Variants in LRRN1 observed in about 807,000 individuals in gnomAD.
LRRN1 encodes the protein leucine-rich repeat neuronal protein 1.
Under a neutral mutation model 45.8 loss-of-function variants are expected in LRRN1, and 14 were observed. The observed-to-expected ratio is 0.31, with a 90% CI of 0.20 to 0.48. The LOEUF (loss-of-function observed/expected upper bound fraction) is 0.48. LRRN1 is among the 20% of genes least tolerant of loss of function. The pLI is 0.99. For synonymous variants in LRRN1, 359 were observed against 330.1 expected (o/e 1.09, Z -0.95); for missense variants, 789 against 874.2 (o/e 0.90, Z 1.23).
chr3:3,832,281 C>G (rs1239640050), intron 1 of LRRN1, among the ~76,000 whole-genome samples: 3 of 152,166 alleles, frequency 2.0e-5, no homozygotes, highest in Non-Finnish European at 4.4e-5. Context: ...GCTCTAATGC[C>G]TTCCATTTGG....
intron 1 of LRRN1, among the ~76,000 whole-genome samples, chr3:3,837,341 C>G (rs1487375268): frequency 1.4e-5 from 2 of 147,554 alleles, no homozygotes; most frequent in Non-Finnish European, 3.0e-5. Context: ...TTCCCCCCCC[C>G]ATTTTATAAC....
chr3:3,848,229 G>A lies in LRRN1; in HGVS notation c.*1437G>A, dbSNP rs953747674. Among the ~76,000 whole-genome samples the A allele has an allele frequency of 2.6e-5, 4 of 152,130 alleles. No homozygotes were observed. The highest frequency in any genetic ancestry group is 7.2e-5 in the African/African-American group (3 of 41,430). On this transcript the variant is annotated 3_prime_UTR_variant, in exon 2 of 2. Coordinates refer to ENST00000319331, the MANE Select transcript of LRRN1 (RefSeq NM_020873.7). ...ATTAATAGAAAACAAAACAACTTCC[G>A]TACAGTTCAAACTTTTCATCCAAAT...
At chr3:3,833,308 T>G (rs1265635205) in intron 1 of LRRN1, among the ~76,000 whole-genome samples, 2 of 152,174 alleles carry the variant, frequency 1.3e-5, no homozygotes, top group Non-Finnish European at 2.9e-5. Context: ...TTGCTCACTG[T>G]GGGCCATCTT....
At chr3:3,818,265 A>G (rs1693026507) in intron 1 of LRRN1, among the ~76,000 whole-genome samples, 1 of 152,152 alleles carries the variant, frequency 6.6e-6, no homozygotes, top group Non-Finnish European at 1.5e-5. Flanking sequence ...TTACAAAGCA[A>G]TTATTTCATA....
rs1692602713 is a variant in LRRN1, at chr3:3,799,797, G to A, written c.-401G>A. 1 of 157,802 alleles carries A rather than the reference G, an allele frequency of 6.3e-6. No homozygotes were observed. Among genetic ancestry groups the A allele is most frequent in the South Asian group, 1.4e-4 (1 of 6,936 alleles). 9.8% of individuals were successfully genotyped at this position (157,802 alleles called of 1,614,324 possible). On this transcript the variant is annotated 5_prime_UTR_variant, in exon 1 of 2. Transcript: ENST00000319331. ...GCGCGCTGCGGGCTGGGAAGGAGGC[G>A]CCGCTCAGCTAGTCCTCCTCCTCCT...
At chr3:3,840,880 A>G (rs559919616) in intron 1 of LRRN1, among the ~76,000 whole-genome samples, 2 of 152,362 alleles carry the variant, frequency 1.3e-5, no homozygotes, top group East Asian at 3.9e-4. Context: ...TAGCTATAAT[A>G]ATGTTGAACC....
intron 1 of LRRN1, among the ~76,000 whole-genome samples, chr3:3,828,032 A>C (rs899504131): frequency 3.3e-5 from 5 of 152,100 alleles, no homozygotes; most frequent in African/African-American, 1.2e-4. Context: ...ATTCAAAGGC[A>C]AATCTGATAG....
rs1172790260 is a variant in LRRN1, at chr3:3,799,872, G to C, written c.-326G>C. The C allele has an allele frequency of 6.1e-6, 1 of 164,008 alleles. No homozygotes were observed. Among genetic ancestry groups the C allele is most frequent in the South Asian group, 1.4e-4 (1 of 6,938 alleles). The allele number at this position is 164,008 out of a possible 1,614,324, so 10.2% of individuals were successfully genotyped here. A position where few individuals can be genotyped will look rare whatever the true frequency, so the allele number is the denominator to read the frequency against. On this transcript the variant is annotated 5_prime_UTR_variant, in exon 1 of 2. Coordinates refer to ENST00000319331, the MANE Select transcript of LRRN1 (RefSeq NM_020873.7). Reference sequence around the variant, plus strand: ...GCTGCTGCCGCCGCCGCCGCCGTGGGTGCCGGGTCCGCGCGCACCCCAACA... The same window carrying C: ...GCTGCTGCCGCCGCCGCCGCCGTGGCTGCCGGGTCCGCGCGCACCCCAACA...
intron 1 of LRRN1, chr3:3,800,889 C>G (rs1197558864): frequency 6.6e-6 from 1 of 152,360 alleles, no homozygotes; most frequent in Non-Finnish European, 1.5e-5. Context: ...GAAAGTTTGC[C>G]GGCGAGTGTC....
At chr3:3,825,839 T>C (rs1693204188) in intron 1 of LRRN1, among the ~76,000 whole-genome samples, 2 of 152,258 alleles carry the variant, frequency 1.3e-5, no homozygotes, top group African/African-American at 2.4e-5. Context: ...TTTATAATTA[T>C]AGATTTTCAC....
intron 1 of LRRN1, among the ~76,000 whole-genome samples, chr3:3,803,847 T>A (rs1292709953): frequency 6.6e-6 from 1 of 152,236 alleles, no homozygotes; most frequent in Non-Finnish European, 1.5e-5. Flanking sequence ...TTTCTTGTTT[T>A]AGCATATATT....
rs139060895 is a variant in LRRN1, at chr3:3,849,489, CA to C, written c.*2698del. Among the ~76,000 whole-genome samples, 2,924 of 152,204 alleles carry C rather than the reference CA, an allele frequency of 0.019. 95 individuals carry two copies. Among genetic ancestry groups the C allele is most frequent in the East Asian group, 0.15 (751 of 5,176 alleles). On this transcript the variant is annotated 3_prime_UTR_variant, in exon 2 of 2. Coordinates refer to ENST00000319331, the MANE Select transcript of LRRN1 (RefSeq NM_020873.7). The stretch of plus-strand genomic sequence containing the variant: ...TATTTAATTTCATAAATTAGACAGC[CA>C]GTGAAATTAGACCTCAAACTAGGTC...
At position 3,816,455 on chromosome 3, in the gene LRRN1, C is replaced by G. The variant is rs185255926; in HGVS notation, c.-279+16536C>G. Among the ~76,000 whole-genome samples, 1 of 152,238 alleles carries G rather than the reference C, an allele frequency of 6.6e-6. No homozygotes were observed. Among genetic ancestry groups the G allele is most frequent in the East Asian group, 1.9e-4 (1 of 5,192 alleles). On this transcript the variant is annotated intron_variant, in intron 1 of 1. Transcript: ENST00000319331. The surrounding 1 kb of genome is among the most constrained non-coding windows in gnomAD (Gnocchi z 4.0). ...CCTGATTAACAGAAATCCTAATTAA[C>G]TAGATCCCCTCCACCCTCAGTCCAC...
rs1020729622 is a variant in LRRN1 at position 3,847,874 on chromosome 3, A to C, written c.*1082A>C. Among the ~76,000 whole-genome samples the C allele has an allele frequency of 1.3e-5, 2 of 152,060 alleles. No individual in the cohort carries two copies. The highest frequency in any genetic ancestry group is 4.8e-5 in the African/African-American group (2 of 41,400). On this transcript the variant is annotated 3_prime_UTR_variant, in exon 2 of 2. Transcript: ENST00000319331. Reference sequence around the variant, plus strand: ...CAGTGGGAGGGTGGTTCATATGAAGAAAAAAAGGTGTATTGTTGTATCCCA... The same window carrying C: ...CAGTGGGAGGGTGGTTCATATGAAGCAAAAAAGGTGTATTGTTGTATCCCA...
At position 3,816,101 on chromosome 3, in the gene LRRN1, C is replaced by T. The variant is rs942332765; in HGVS notation, c.-279+16182C>T. 6.6e-6 allele frequency among the ~76,000 whole-genome samples: 1 copy of T among 152,048 alleles called. No homozygotes were observed. Among genetic ancestry groups the T allele is most frequent in the Non-Finnish European group, 1.5e-5 (1 of 68,006 alleles). ...TATTCAACTAAAATTATTCTTTTTA[C>T]TTTTAATAATGAACATATTAGTTGA... On this transcript the variant is annotated intron_variant, in intron 1 of 1. Transcript: ENST00000319331. The surrounding 1 kb of genome is among the most constrained non-coding windows in gnomAD (Gnocchi z 4.0).
At chr3:3,827,128 A>T (rs1693238812) in intron 1 of LRRN1, 1 of 170,774 alleles carries the variant, frequency 5.9e-6, no homozygotes, top group Admixed American at 5.8e-5. Context: ...CCTCTGCCAA[A>T]GGCTTTACAT....
intron 1 of LRRN1, among the ~76,000 whole-genome samples, chr3:3,822,541 A>C (rs1288189363): frequency 6.6e-6 from 1 of 152,102 alleles, no homozygotes; most frequent in Admixed American, 6.5e-5. Flanking sequence ...ACTTGTTTGA[A>C]ACACTTCTTT....
chr3:3,814,513 T>G (rs992515721), intron 1 of LRRN1, among the ~76,000 whole-genome samples: 10 of 152,038 alleles, frequency 6.6e-5, no homozygotes, highest in Non-Finnish European at 1.5e-4. Flanking sequence ...CCATCCCTTA[T>G]GCTATTGTTT....
At chr3:3,811,914 G>C (rs1205221030) in intron 1 of LRRN1, among the ~76,000 whole-genome samples, 1 of 152,114 alleles carries the variant, frequency 6.6e-6, no homozygotes, top group Admixed American at 6.5e-5. Flanking sequence ...AGACCAGACG[G>C]GTTTGAATCT....
Sources: gnomAD v4.1 joint callset for allele counts (sites outside exome capture counted in the v4.1 genomes callset) on GRCh38, gnomAD v4.1.1 for gene constraint, Gnocchi (gnomAD v3.1) non-coding constraint, MANE v1.5 for transcripts, NCBI Gene and HGNC (gene_info 2026-07-23, HGNC 2026-07-21) for gene names.